CPLANE1: variants seen among roughly 807,000 people sequenced by gnomAD.
The protein encoded by CPLANE1 is ciliogenesis and planar polarity effector complex subunit 1, also known as ciliogenesis and planar polarity effector 1.
Under a neutral mutation model 362.5 loss-of-function variants are expected in CPLANE1, and 263 were observed. The observed-to-expected ratio is 0.73, with a 90% CI of 0.66 to 0.80. CPLANE1 has a LOEUF of 0.80. CPLANE1 is among the 30% of genes least tolerant of loss of function. CPLANE1 has a pLI of 0.00. For missense variants in CPLANE1, 3,461 were observed against 3,793.4 expected (o/e 0.91, Z 2.30); for synonymous variants, 1,212 against 1,302.6 (o/e 0.93, Z 1.50).
chr5:37,139,384 C>A lies in CPLANE1; in HGVS notation c.8633-14G>T. The A allele has an allele frequency of 2.7e-6, 3 of 1,126,918 alleles. No homozygotes were observed. Among genetic ancestry groups the A allele is most frequent in the South Asian group, 1.7e-5 (1 of 57,774 alleles). The allele number at this position is 1,126,918 out of a possible 1,614,324, so 69.8% of individuals were successfully genotyped here. On this transcript the variant is annotated splice_polypyrimidine_tract_variant and intron_variant, in intron 44 of 52. Transcript: ENST00000651892. ...TGCTATTCATACCTAAAAAAAAAAT[C>A]ATTATTAATAAAAATTTTGGGTTTT...
chr5:37,217,742 C>T (rs1401931302), intron 15 of CPLANE1, among the ~76,000 whole-genome samples: 3 of 151,648 alleles, frequency 2.0e-5, no homozygotes, highest in Middle Eastern at 3.4e-3. Flanking sequence ...TTTGGGAGGC[C>T]GAGGGGGGAG....
intron 15 of CPLANE1, among the ~76,000 whole-genome samples, chr5:37,214,197 G>A (rs1446078309): frequency 1.3e-5 from 2 of 152,140 alleles, no homozygotes; most frequent in African/African-American, 4.8e-5. Context: ...GGGTACAGTG[G>A]CTTACACCTA....
At chr5:37,224,856 C>A in intron 12 of CPLANE1, 116 bp from the exon 13 acceptor site, 1 of 591,890 alleles carries the variant, frequency 1.7e-6, no homozygotes, top group Non-Finnish European at 3.0e-6. Context: ...AACATACATA[C>A]AAACTGATCA....
In CPLANE1 at chr5:37,169,488, G is replaced by C. The variant is rs1454889932; in HGVS notation, c.6536C>G (p.Ser2179Cys). The change falls in exon 34 of 53, where the codon TCT (serine) becomes TGT (cysteine). Residue 2179 changes from serine (S) to cysteine (C), a missense_variant. Coordinates refer to ENST00000651892, the MANE Select transcript of CPLANE1 (RefSeq NM_001384732.1). ...AAACGAAGTGGATGGTAAGTTTTGA[G>C]ATGATGGAATTGGTCCTTTTTTCCG... ...QPRKKGPIPS[S>C]QNLPSTSFYP... is the part of the protein sequence containing the mutation. The C allele has an allele frequency of 1.2e-6, 2 of 1,614,024 alleles. No individual in the cohort carries two copies. Among genetic ancestry groups the C allele is most frequent in the African/African-American group, 1.3e-5 (1 of 74,922 alleles).
In CPLANE1 at chr5:37,244,527, G is replaced by A. The variant is rs1246732410; in HGVS notation, c.418C>T (p.Leu140Phe). The A allele has an allele frequency of 6.4e-7, 1 of 1,551,534 alleles. No homozygotes were observed. Among genetic ancestry groups the A allele is most frequent in the South Asian group, 1.2e-5 (1 of 84,052 alleles). ...TTCTTTAATTCCAAATATTCCCAAAGAAATATGCATCCAGAAGGTGTTATG... is the reference window on the plus strand; with the variant it reads ...TTCTTTAATTCCAAATATTCCCAAAAAAATATGCATCCAGAAGGTGTTATG... ...VLITPSGCIF[L>F]WEYLELKNIL... is the part of the protein sequence containing the mutation. Residue 140 changes from leucine (L) to phenylalanine (F), a missense_variant, in exon 5 of 53, where the codon CTT becomes TTT. By Grantham distance (22) the Leu-to-Phe change is conservative. This residue lies in a region of CPLANE1 where 3,380 missense variants were observed against 3,666.1 expected (regional missense o/e 0.92). Coordinates refer to ENST00000651892, the MANE Select transcript of CPLANE1 (RefSeq NM_001384732.1).
chr5:37,182,747 T>C lies in CPLANE1; in HGVS notation c.5421+13A>G, dbSNP rs754882647. ...ATTCTCATTTGTAAGTAATAAACAA[T>C]TGATATGCTTACCTTAATAATGGCA... On this transcript the variant is annotated intron_variant, in intron 26 of 52. Transcript: ENST00000651892. 27 of 1,490,516 alleles carry C rather than the reference T, an allele frequency of 1.8e-5. No individual in the cohort carries two copies. Among genetic ancestry groups the C allele is most frequent in the Non-Finnish European group, 2.3e-5 (25 of 1,080,716 alleles). The allele number at this position is 1,490,516 out of a possible 1,614,324, so 92.3% of individuals were successfully genotyped here.
chr5:37,125,427 C>G lies in CPLANE1; in HGVS notation c.8793-18G>C. On this transcript the variant is annotated intron_variant, in intron 46 of 52. Coordinates refer to ENST00000651892, the MANE Select transcript of CPLANE1 (RefSeq NM_001384732.1). The stretch of plus-strand genomic sequence containing the variant: ...GCTGAATTCTGAGAAATTTAACAAG[C>G]AAGACATCATTTGCTTTTAAATTTG... 1 of 1,607,164 alleles carries G rather than the reference C, an allele frequency of 6.2e-7. No homozygotes were observed. Among genetic ancestry groups the G allele is most frequent in the African/African-American group, 1.3e-5 (1 of 74,668 alleles).
At chr5:37,118,145 G>A (rs148730251) in intron 50 of CPLANE1, among the ~76,000 whole-genome samples, 12 of 152,034 alleles carry the variant, frequency 7.9e-5, no homozygotes, top group African/African-American at 2.4e-4. Context: ...CTGTAATCCC[G>A]GCACTTTGGG....
chr5:37,208,694 A>T (rs936813100), intron 16 of CPLANE1, among the ~76,000 whole-genome samples: 13 of 145,916 alleles, frequency 8.9e-5, no homozygotes, highest in Admixed American at 1.3e-4. Context: ...CCCCAAAAAA[A>T]AAAAAGAGTT....
intron 47 of CPLANE1, 178 bp downstream of exon 47, chr5:37,125,066 T>C (rs1763764401): frequency 4.4e-6 from 6 of 1,369,528 alleles, no homozygotes; most frequent in Non-Finnish European, 5.7e-6. Flanking sequence ...GTTAGCACAA[T>C]ATGCTGCAAC....
At chr5:37,214,450 G>A (rs913202036) in intron 15 of CPLANE1, among the ~76,000 whole-genome samples, 19 of 152,168 alleles carry the variant, frequency 1.2e-4, no homozygotes, top group Non-Finnish European at 2.1e-4. Flanking sequence ...ACTCCAGCCT[G>A]GGCAACAGAG....
chr5:37,159,135 C>T (rs1434493799), intron 38 of CPLANE1, among the ~76,000 whole-genome samples: 31 of 112,488 alleles, frequency 2.8e-4, no homozygotes, highest in East Asian at 1.1e-3. Context: ...GACGGAGTCT[C>T]GCTCTGTCGC....
intron 20 of CPLANE1, 25 bp downstream of exon 20, chr5:37,198,677 G>A: frequency 1.9e-6 from 3 of 1,598,832 alleles, no homozygotes; most frequent in Non-Finnish European, 1.7e-6. Context: ...AACACAGCAT[G>A]TAAATGACTA....
chr5:37,132,629 G>A (rs1045326516), intron 46 of CPLANE1, among the ~76,000 whole-genome samples: 49 of 152,220 alleles, frequency 3.2e-4, no homozygotes, highest in African/African-American at 1.1e-3. Context: ...TACAGGCGTT[G>A]AGCCACCGCC....
In CPLANE1 at chr5:37,209,264, C is replaced by T; in HGVS notation, c.2921-2839G>A. On this transcript the variant is annotated intron_variant, in intron 16 of 52. Coordinates refer to ENST00000651892, the MANE Select transcript of CPLANE1 (RefSeq NM_001384732.1). This position sits in a 1 kb window ranked among gnomAD's most constrained non-coding sequence, Gnocchi z 4.6. ...AGGACAGAAGCAGGGCTCTGGAGGG[C>T]AGGGATTCCCCCTCGTCTTGGCCCT... 1 of 698,092 alleles carries T rather than the reference C, an allele frequency of 1.4e-6. No homozygotes were observed. The highest frequency in any genetic ancestry group is 2.6e-5 in the East Asian group (1 of 37,874). The allele number at this position is 698,092 out of a possible 1,614,324, so 43.2% of individuals were successfully genotyped here.
chr5:37,077,606 CTTTTTT>C, the CPLANE1 span, among the ~76,000 whole-genome samples: 20 of 75,912 alleles, frequency 2.6e-4, no homozygotes, highest in East Asian at 3.7e-3. Flanking sequence ...GTGTGTGTGT[CTTTTTT>C]TTTTTTTTTT....
In CPLANE1 at chr5:37,160,416, G is replaced by A. The variant is rs548143289; in HGVS notation, c.7690+2049C>T. Among the ~76,000 whole-genome samples the A allele has an allele frequency of 1.8e-4, 27 of 152,026 alleles. 1 individual carries two copies. The South Asian group carries it at 4.2e-3, about 23-fold the overall frequency. On this transcript the variant is annotated intron_variant, in intron 38 of 52. Transcript: ENST00000651892. ...CTAAAAATACAAAAATTAGCCAGGC[G>A]TGGTGGAGGTCACCTGTCAGGAGAC...
intron 9 of CPLANE1, among the ~76,000 whole-genome samples, chr5:37,229,539 A>AAAAT (rs374996232): frequency 1.3e-5 from 2 of 151,052 alleles, no homozygotes; most frequent in African/African-American, 2.4e-5. Context: ...ACTCTGTCTC[A>AAAAT]AAATAAATAA....
chr5:37,162,633 A>C, intron 37 of CPLANE1, 67 bp from the exon 38 acceptor site: 2 of 1,077,048 alleles, frequency 1.9e-6, no homozygotes, highest in South Asian at 2.7e-5. Flanking sequence ...GCCCAGCAGC[A>C]CAGTACCTAA....
Sources: gnomAD v4.1 joint callset for allele counts (sites outside exome capture counted in the v4.1 genomes callset) on GRCh38, gnomAD v4.1.1 for gene constraint, gnomAD v4.1.1 regional missense constraint, Gnocchi (gnomAD v3.1) non-coding constraint, MANE v1.5 for transcripts, NCBI Gene and HGNC (gene_info 2026-07-23, HGNC 2026-07-21) for gene names.